Variants in SCOC observed in about 807,000 individuals in gnomAD.
SCOC encodes short coiled-coil protein, also known as short coiled coil protein.
A neutral mutation model predicts 9.9 loss-of-function variants in SCOC; 7 were observed. That is an observed-to-expected ratio of 0.71 (90% CI 0.40 to 1.33). The LOEUF is 1.33. SCOC is among the 40% of genes most tolerant of loss of function. The probability of loss-of-function intolerance (pLI) is 0.01; values close to 1 mark genes in which losing one functional copy is unlikely to be tolerated. For missense variants in SCOC, 66 were observed against 89.7 expected (o/e 0.74, Z 1.07); for synonymous variants, 19 against 28.2 (o/e 0.67, Z 1.03).
chr4:140,300,679 C>G (rs141956165), intron 1 of SCOC, among the ~76,000 whole-genome samples: 9 of 152,238 alleles, frequency 5.9e-5, no homozygotes, highest in African/African-American at 1.9e-4. Flanking sequence ...AAGCCCAGGC[C>G]CAGGAAAGCA....
chr4:140,373,259 C>T, upstream of SCOC: 1 of 1,275,260 alleles, frequency 7.8e-7, no homozygotes, highest in Non-Finnish European at 9.9e-7. Flanking sequence ...TCGCTCATAC[C>T]AACCTCTTTC....
intron 2 of SCOC, among the ~76,000 whole-genome samples, chr4:140,365,375 G>C (rs1727746948): frequency 6.6e-6 from 1 of 152,124 alleles, no homozygotes; most frequent in African/African-American, 2.4e-5. Flanking sequence ...CTGGCAGAAG[G>C]GTTCCAGTTA....
intron 1 of SCOC, chr4:140,374,358 C>T (rs184250252): frequency 5.5e-4 from 192 of 347,370 alleles, no homozygotes; most frequent in African/African-American, 2.6e-3. Context: ...CACACTATTA[C>T]GCAACAATAA....
intron 1 of SCOC, among the ~76,000 whole-genome samples, chr4:140,259,243 C>G (rs1276888846): frequency 6.6e-6 from 1 of 152,212 alleles, no homozygotes; most frequent in Non-Finnish European, 1.5e-5. Flanking sequence ...TCTTTTGCAA[C>G]CCCATGTCCA....
chr4:140,353,881 T>C (rs186005991), intron 2 of SCOC, among the ~76,000 whole-genome samples: 1 of 152,316 alleles, frequency 6.6e-6, no homozygotes, highest in African/African-American at 2.4e-5. Context: ...CCTTACTCAC[T>C]TTCTTCCCCA....
upstream of SCOC, chr4:140,343,345 T>C (rs1726578941): frequency 1.5e-5 from 4 of 274,710 alleles, no homozygotes; most frequent in South Asian, 1.3e-4. Context: ...CTAAGGAAAC[T>C]TGAAGGCAGG....
At chr4:140,311,542 C>T (rs1170082712) in intron 1 of SCOC, among the ~76,000 whole-genome samples, 2 of 152,128 alleles carry the variant, frequency 1.3e-5, no homozygotes, top group African/African-American at 2.4e-5. Context: ...CCCCACACCC[C>T]ATGATCCAAC....
At chr4:140,346,388 A>G (rs1046279508) in intron 2 of SCOC, among the ~76,000 whole-genome samples, 15 of 152,156 alleles carry the variant, frequency 9.9e-5, no homozygotes, top group African/African-American at 3.6e-4. Flanking sequence ...CTAATTCTGA[A>G]TAGAAAGGCC....
At chr4:140,359,906 C>T (rs1727390305) in intron 2 of SCOC, among the ~76,000 whole-genome samples, 2 of 152,182 alleles carry the variant, frequency 1.3e-5, no homozygotes, top group Admixed American at 1.3e-4. Flanking sequence ...AAACAAGATC[C>T]CATTTTTTCT....
chr4:140,303,149 G>A (rs1330232036), intron 1 of SCOC, among the ~76,000 whole-genome samples: 3 of 152,166 alleles, frequency 2.0e-5, no homozygotes, highest in African/African-American at 7.2e-5. Flanking sequence ...TAAAAAAAAA[G>A]CTTTCTTTAG....
rs549642824 is a variant in SCOC at position 140,315,851 on chromosome 4, G to A, written c.-18-27770G>A. Among the ~76,000 whole-genome samples, 3 of 152,232 alleles carry A rather than the reference G, an allele frequency of 2.0e-5. No individual in the cohort carries two copies. The South Asian group carries it at 6.2e-4, about 32-fold the overall frequency. Reference sequence around the variant, plus strand: ...CCTTTTTTCCACCCAGGGGAGAGAAGATGTGCTATCATATGATTTTATTAG... The same window carrying A: ...CCTTTTTTCCACCCAGGGGAGAGAAAATGTGCTATCATATGATTTTATTAG... On this transcript the variant is annotated intron_variant, in intron 1 of 4. Coordinates refer to the SCOC transcript ENST00000394205.
rs954666319 is a variant in SCOC, at chr4:140,383,006, CT to C, written c.*1904del. ...TGGCTTTCAAGTCACTCTAGTTATT[CT>C]TCTAATTTGCAGAAAAAGAACATGG... is the stretch of plus-strand genomic sequence containing the variant. On this transcript the variant is annotated 3_prime_UTR_variant, in exon 4 of 4. Coordinates refer to ENST00000608372, the MANE Select transcript of SCOC (RefSeq NM_001153484.2). 1.3e-5 allele frequency: 2 copies of C among 152,168 alleles called. No individual in the cohort carries two copies. Among genetic ancestry groups the C allele is most frequent in the African/African-American group, 4.8e-5 (2 of 41,426 alleles). 9.4% of individuals were successfully genotyped at this position (152,168 alleles called of 1,614,324 possible).
At chr4:140,311,241 TA>T (rs1034239271) in intron 1 of SCOC, among the ~76,000 whole-genome samples, 6 of 152,092 alleles carry the variant, frequency 3.9e-5, no homozygotes, top group Non-Finnish European at 5.9e-5. Context: ...TTAAAAATAA[TA>T]AAAAAAGATT....
In SCOC at chr4:140,320,163, G is replaced by A. The variant is rs142347816; in HGVS notation, c.-18-23458G>A. On this transcript the variant is annotated intron_variant, in intron 1 of 4. Coordinates refer to the SCOC transcript ENST00000394205. ...AAAACAGATTGCAGTAAAGAAGCCG[G>A]CTAAAACCCACCAAAACCAAGATGG... 4.5e-3 allele frequency among the ~76,000 whole-genome samples: 678 copies of A among 152,186 alleles called. 4 individuals carry two copies. The highest frequency in any genetic ancestry group is 0.016 in the African/African-American group (652 of 41,528).
intron 1 of SCOC, among the ~76,000 whole-genome samples, chr4:140,313,117 A>G (rs1338087564): frequency 6.6e-6 from 1 of 152,214 alleles, no homozygotes; most frequent in Admixed American, 6.5e-5. Flanking sequence ...TCAGTCCTCC[A>G]CCTTTTCATG....
In SCOC at chr4:140,305,979, G is replaced by A. The variant is rs80082382; in HGVS notation, c.-18-37642G>A. On this transcript the variant is annotated intron_variant, in intron 1 of 4. Coordinates refer to the SCOC transcript ENST00000394205. ...CCTGGGACTTCCCTTCTACTATAGG[G>A]TCTTGGAGAGAAAAAATAATAATTA... Among the ~76,000 whole-genome samples, 45 of 152,250 alleles carry A rather than the reference G, an allele frequency of 3.0e-4. No individual in the cohort carries two copies. In the East Asian group the frequency reaches 7.7e-3, roughly 26 times the overall value.
chr4:140,345,730 C>T (rs550011186), intron 2 of SCOC, among the ~76,000 whole-genome samples: 7 of 152,144 alleles, frequency 4.6e-5, no homozygotes, highest in East Asian at 1.9e-4. Context: ...CATATGTGTA[C>T]ACATACATGT....
intron 2 of SCOC, among the ~76,000 whole-genome samples, chr4:140,361,786 A>G (rs1419406536): frequency 1.3e-5 from 2 of 152,220 alleles, no homozygotes; most frequent in South Asian, 4.1e-4. Flanking sequence ...TCTGTGAGTG[A>G]CAAGAATGGA....
intron 1 of SCOC, among the ~76,000 whole-genome samples, chr4:140,277,027 CA>C (rs1731000151): frequency 6.6e-6 from 1 of 152,030 alleles, no homozygotes; most frequent in Non-Finnish European, 1.5e-5. Flanking sequence ...TGATAGGGAC[CA>C]AAAGAAAGTT....
Sources: allele counts gnomAD v4.1 joint callset (sites outside exome capture counted in the v4.1 genomes callset), GRCh38; gene constraint gnomAD v4.1.1; transcripts MANE v1.5; gene names NCBI Gene and HGNC (gene_info 2026-07-23, HGNC 2026-07-21).